The following PRDM2 variants were observed in gnomAD, a reference collection of about 807,000 sequenced individuals.
The protein encoded by PRDM2 is PR domain zinc finger protein 2.
Under a neutral mutation model 130.0 loss-of-function variants are expected in PRDM2, and 30 were observed. That is an observed-to-expected ratio of 0.23 (90% confidence interval 0.17 to 0.31). The LOEUF (loss-of-function observed/expected upper bound fraction) is 0.31. Among genes scored for constraint, PRDM2 ranks in the 10% least tolerant of loss-of-function variants. The pLI is 1.00. For missense variants in PRDM2, 2,011 were observed against 2,108.4 expected (o/e 0.95, Z 0.90); for synonymous variants, 871 against 782.4 (o/e 1.11, Z -1.89).
intron 9 of PRDM2, among the ~76,000 whole-genome samples, chr1:13,822,589 G>T (rs1423819248): frequency 6.6e-6 from 1 of 151,958 alleles, no homozygotes; most frequent in Non-Finnish European, 1.5e-5. Context: ...TAGAGACAGG[G>T]TTTCACCGTA....
intron 8 of PRDM2, among the ~76,000 whole-genome samples, chr1:13,785,574 G>A (rs1644716836): frequency 1.3e-5 from 2 of 152,070 alleles, no homozygotes; most frequent in Admixed American, 6.6e-5. Flanking sequence ...AAAAAGCCAT[G>A]TGCTCCAAAT....
intron 9 of PRDM2, 67 bp downstream of exon 9, chr1:13,816,637 T>C (rs1239092290): frequency 6.4e-7 from 1 of 1,559,428 alleles, no homozygotes; most frequent in Non-Finnish European, 8.7e-7. Context: ...GGCTTGGGTC[T>C]TGGGTGGGGA....
At chr1:13,804,074 G>C (rs970464527) in intron 8 of PRDM2, among the ~76,000 whole-genome samples, 1 of 152,054 alleles carries the variant, frequency 6.6e-6, no homozygotes, top group Non-Finnish European at 1.5e-5. Context: ...TTAAGTACAC[G>C]AGTTACTTAA....
At chr1:13,807,016 T>C (rs1025297501) in intron 8 of PRDM2, among the ~76,000 whole-genome samples, 4 of 152,212 alleles carry the variant, frequency 2.6e-5, no homozygotes, top group Non-Finnish European at 5.9e-5. Flanking sequence ...TCCTCCACTC[T>C]GACCTTCACT....
intron 8 of PRDM2, among the ~76,000 whole-genome samples, chr1:13,813,789 C>T (rs1407982240): frequency 6.6e-6 from 1 of 152,152 alleles, no homozygotes; most frequent in Non-Finnish European, 1.5e-5. Context: ...CGCCCTGAGC[C>T]GGGGAGGAGG....
intron 8 of PRDM2, among the ~76,000 whole-genome samples, chr1:13,797,396 G>A (rs1158232440): frequency 6.6e-6 from 1 of 152,182 alleles, no homozygotes; most frequent in Non-Finnish European, 1.5e-5. Flanking sequence ...TGTTTGATAG[G>A]CCTCAATGAA....
In PRDM2 at chr1:13,773,114, A is replaced by G; in HGVS notation, c.548A>G (p.Asn183Ser). ...TCCCAGGAAAATAAAAACAAAGGAA[A>G]CAAAATCCAAGACATACAACTGAAG... ...KKSQENKNKG[N>S]KIQDIQLKTS... The change falls in exon 7 of 10, where the codon AAC becomes AGC. Residue 183 changes from asparagine to serine, a missense_variant. Coordinates refer to ENST00000311066, the MANE Select transcript of PRDM2 (RefSeq NM_001393986.1). 1 of 1,566,720 alleles carries G rather than the reference A, an allele frequency of 6.4e-7. No individual in the cohort carries two copies. Among genetic ancestry groups the G allele is most frequent in the Non-Finnish European group, 8.6e-7 (1 of 1,161,894 alleles).
rs1644636828 is a variant in PRDM2, at chr1:13,782,478, T to C, written c.4683T>C (p.Ala1561=). Residue 1561 remains alanine (A), a synonymous_variant, in exon 8 of 10, where the codon GCT becomes GCC. Coordinates refer to ENST00000311066, the MANE Select transcript of PRDM2 (RefSeq NM_001393986.1). ...CCAAGCAGAACGTCAAGTTTGCAGC[T>C]TCGGTGAAATCCAAAAAACCAAGCT... The part of the protein sequence containing the change: ...FRSKQNVKFA[A]SVKSKKPSSS... The C allele has an allele frequency of 4.3e-6, 7 of 1,614,082 alleles. No individual in the cohort carries two copies. Among genetic ancestry groups the C allele is most frequent in the Non-Finnish European group, 5.1e-6 (6 of 1,180,030 alleles).
At chr1:13,739,778 T>A (rs1165143995) in intron 4 of PRDM2, among the ~76,000 whole-genome samples, 2 of 152,236 alleles carry the variant, frequency 1.3e-5, no homozygotes, top group African/African-American at 2.4e-5. Context: ...ATATATATAT[T>A]TTTGGTCAGG....
At chr1:13,819,472 C>T (rs1045928680) in intron 9 of PRDM2, among the ~76,000 whole-genome samples, 2 of 152,202 alleles carry the variant, frequency 1.3e-5, no homozygotes, top group African/African-American at 4.8e-5. Flanking sequence ...TTTCGTGTAA[C>T]TTGCTCCTTA....
At chr1:13,711,046 C>A (rs2100399176) in intron 1 of PRDM2, among the ~76,000 whole-genome samples, 1 of 148,724 alleles carries the variant, frequency 6.7e-6, no homozygotes, top group East Asian at 2.0e-4. Context: ...GATCGTGCCA[C>A]TGCACTCCAG....
chr1:13,723,154 C>T (rs1467273097), intron 2 of PRDM2, among the ~76,000 whole-genome samples: 1 of 152,196 alleles, frequency 6.6e-6, no homozygotes, highest in Non-Finnish European at 1.5e-5. Flanking sequence ...CTGCTCAGTT[C>T]TTAATACATG....
At chr1:13,759,164 T>TC (rs898142083) in intron 6 of PRDM2, among the ~76,000 whole-genome samples, 3 of 78,336 alleles carry the variant, frequency 3.8e-5, no homozygotes, top group Non-Finnish European at 8.6e-5. Context: ...CCCCTACCCT[T>TC]TTTTTTTTTT....
intron 8 of PRDM2, among the ~76,000 whole-genome samples, chr1:13,792,793 C>T (rs778394576): frequency 6.6e-6 from 1 of 152,188 alleles, no homozygotes; most frequent in Non-Finnish European, 1.5e-5. Context: ...CTTTCCAGCG[C>T]GTGGGGCACC....
chr1:13,742,576 G>A (rs1643480001), intron 5 of PRDM2, among the ~76,000 whole-genome samples: 1 of 152,138 alleles, frequency 6.6e-6, no homozygotes, highest in Non-Finnish European at 1.5e-5. Context: ...GATTATATTG[G>A]GAAGTGCTTT....
At chr1:13,775,499 C>T (rs1644455921) in intron 7 of PRDM2, among the ~76,000 whole-genome samples, 1 of 152,026 alleles carries the variant, frequency 6.6e-6, no homozygotes, top group African/African-American at 2.4e-5. Context: ...TTGTGGAAAG[C>T]TCATGGAATT....
Position 13,712,071 on chromosome 1 carries a change from A to AG in PRDM2, c.-65-3470_-65-3469insG, listed in dbSNP as rs1642387053. ...CTCTACCCAAAAAAAAAAAAAAAAAAAAATTAGCCAGGCATGGTGGCGCGA... is the reference window on the plus strand; with the variant it reads ...CTCTACCCAAAAAAAAAAAAAAAAAAGAAATTAGCCAGGCATGGTGGCGCGA... On this transcript the variant is annotated intron_variant, in intron 1 of 9. Coordinates refer to ENST00000311066, the MANE Select transcript of PRDM2 (RefSeq NM_001393986.1). Among the ~76,000 whole-genome samples, 3 of 151,706 alleles carry AG rather than the reference A, an allele frequency of 2.0e-5. No homozygotes were observed. In the East Asian group the frequency reaches 5.8e-4, roughly 29 times the overall value.
At chr1:13,770,139 A>G (rs1054220212) in intron 6 of PRDM2, among the ~76,000 whole-genome samples, 2 of 152,176 alleles carry the variant, frequency 1.3e-5, no homozygotes, top group African/African-American at 4.8e-5. Flanking sequence ...TACCTACTGC[A>G]AATGGCTTCT....
intron 8 of PRDM2, 21 bp from the exon 9 acceptor site, chr1:13,816,406 G>A: frequency 1.2e-6 from 2 of 1,613,676 alleles, no homozygotes; most frequent in African/African-American, 1.3e-5. Context: ...GACAATGTGT[G>A]TTGTTCCTCT....
Sources: gnomAD v4.1 joint callset for allele counts (sites outside exome capture counted in the v4.1 genomes callset) on GRCh38, gnomAD v4.1.1 for gene constraint, MANE v1.5 for transcripts, NCBI Gene and HGNC (gene_info 2026-07-23, HGNC 2026-07-21) for gene names.